TANGO6: variants seen among roughly 807,000 people sequenced by gnomAD.
TANGO6 encodes the protein transport and golgi organization 6 homolog, also known as transport and Golgi organization protein 6 homolog.
Under a neutral mutation model 114.2 loss-of-function variants are expected in TANGO6, and 90 were observed. The observed-to-expected ratio is 0.79, with a 90% CI of 0.66 to 0.94. The LOEUF (loss-of-function observed/expected upper bound fraction) is 0.94. Among genes scored for constraint, TANGO6 ranks in the 40% least tolerant of loss-of-function variants. TANGO6 has a pLI of 0.00. For synonymous variants in TANGO6, 477 were observed against 509.8 expected, an observed-to-expected ratio of 0.94 and a Z score of 0.87; for missense variants, 1,274 against 1,315.3, an observed-to-expected ratio of 0.97 and a Z score of 0.49.
At chr16:68,959,547 A>G (rs771781311) in intron 14 of TANGO6, among the ~76,000 whole-genome samples, 1 of 152,158 alleles carries the variant, frequency 6.6e-6, no homozygotes, top group African/African-American at 2.4e-5. Context: ...AGATCACGCC[A>G]CTGCACTCCA....
At chr16:68,956,643 A>C (rs1963532349) in intron 14 of TANGO6, among the ~76,000 whole-genome samples, 1 of 152,146 alleles carries the variant, frequency 6.6e-6, no homozygotes, top group African/African-American at 2.4e-5. Flanking sequence ...ACCTGAGGTC[A>C]GGAGTTTGAG....
intron 7 of TANGO6, among the ~76,000 whole-genome samples, chr16:68,890,126 C>T (rs958321346): frequency 6.6e-6 from 1 of 152,136 alleles, no homozygotes; most frequent in Non-Finnish European, 1.5e-5. Flanking sequence ...CAAGTTCCAG[C>T]CTGTACTGAA....
chr16:69,018,412 T>C (rs1959342203), intron 15 of TANGO6, among the ~76,000 whole-genome samples: 1 of 150,170 alleles, frequency 6.7e-6, no homozygotes, highest in African/African-American at 2.4e-5. Context: ...CCTCCCAAAG[T>C]GCTGGGATTA....
intron 12 of TANGO6, among the ~76,000 whole-genome samples, chr16:68,925,586 C>CT (rs1447632809): frequency 6.6e-6 from 1 of 152,102 alleles, no homozygotes; most frequent in African/African-American, 2.4e-5. Context: ...TTGACAGTTT[C>CT]TTTTGCAGAG....
intron 1 of TANGO6, among the ~76,000 whole-genome samples, chr16:68,858,210 C>T (rs552702829): frequency 1.3e-5 from 2 of 152,066 alleles, no homozygotes; most frequent in South Asian, 2.1e-4. Context: ...ATTACAGGCA[C>T]CTGCCACCAT....
chr16:68,894,850 G>GT (rs1336360401), intron 7 of TANGO6, among the ~76,000 whole-genome samples: 1 of 151,824 alleles, frequency 6.6e-6, no homozygotes, highest in Non-Finnish European at 1.5e-5. Context: ...ATCACTGTAC[G>GT]TGGAACTCCC....
At chr16:69,007,421 C>T (rs1470651136) in intron 15 of TANGO6, among the ~76,000 whole-genome samples, 3 of 151,896 alleles carry the variant, frequency 2.0e-5, no homozygotes, top group Admixed American at 2.0e-4. Flanking sequence ...AGGCACGTGC[C>T]ACCACACCTT....
At chr16:69,015,927 G>A (rs1959289022) in intron 15 of TANGO6, among the ~76,000 whole-genome samples, 1 of 152,122 alleles carries the variant, frequency 6.6e-6, no homozygotes, top group African/African-American at 2.4e-5. Flanking sequence ...TATGATTCCT[G>A]CATTGAATAT....
At chr16:69,068,745 C>T (rs1960254384) in intron 17 of TANGO6, among the ~76,000 whole-genome samples, 1 of 152,164 alleles carries the variant, frequency 6.6e-6, no homozygotes, top group African/African-American at 2.4e-5. Context: ...TGGAGTCTCG[C>T]TCTTGTCGCC....
intron 7 of TANGO6, among the ~76,000 whole-genome samples, chr16:68,884,744 A>T (rs547161309): frequency 4.4e-4 from 67 of 152,310 alleles, no homozygotes; most frequent in Middle Eastern, 6.8e-3. Context: ...TCTTTCTAGC[A>T]AGGGAGTTAT....
chr16:68,843,783 G>T, intron 1 of TANGO6, 72 bp downstream of exon 1: 1 of 1,488,222 alleles, frequency 6.7e-7, no homozygotes, highest in South Asian at 1.2e-5. Flanking sequence ...GGGCTGCCCT[G>T]CCTTCCGCAG....
At chr16:68,971,723 T>C (rs985877130) in intron 14 of TANGO6, among the ~76,000 whole-genome samples, 1 of 148,740 alleles carries the variant, frequency 6.7e-6, no homozygotes, top group African/African-American at 2.5e-5. Flanking sequence ...CCTCTTCCTC[T>C]GGGGTTCAAG....
At chr16:68,948,808 C>G (rs551891099) in intron 14 of TANGO6, among the ~76,000 whole-genome samples, 2 of 152,186 alleles carry the variant, frequency 1.3e-5, no homozygotes, top group Non-Finnish European at 2.9e-5. Context: ...CACTGCCCAC[C>G]CTTCTTCCTG....
intron 14 of TANGO6, among the ~76,000 whole-genome samples, chr16:68,973,573 A>G (rs1963731118): frequency 6.6e-6 from 1 of 152,138 alleles, no homozygotes; most frequent in Admixed American, 6.6e-5. Flanking sequence ...AAGTCCTACG[A>G]AGGGGGGACT....
chr16:68,893,932 C>T (rs980608763), intron 7 of TANGO6, among the ~76,000 whole-genome samples: 1 of 152,030 alleles, frequency 6.6e-6, no homozygotes, highest in African/African-American at 2.4e-5. Context: ...CACACAACAC[C>T]CAGGTGTTGG....
At chr16:68,966,204 C>T (rs56266350) in intron 14 of TANGO6, among the ~76,000 whole-genome samples, 5,284 of 152,168 alleles carry the variant, frequency 0.035, 280 homozygotes, top group East Asian at 0.27. Flanking sequence ...CCAGCCTGGG[C>T]GACAGAACAA....
intron 15 of TANGO6, among the ~76,000 whole-genome samples, chr16:68,997,356 T>C (rs1008129944): frequency 6.6e-5 from 10 of 152,362 alleles, no homozygotes; most frequent in Admixed American, 5.2e-4. Context: ...ATTTCTTGAT[T>C]GTATTCTGAA....
intron 4 of TANGO6, among the ~76,000 whole-genome samples, chr16:68,873,228 G>A (rs569060158): frequency 2.6e-5 from 4 of 151,822 alleles, no homozygotes; most frequent in African/African-American, 7.2e-5. Context: ...GGATTTACCT[G>A]TATTGGCATT....
intron 15 of TANGO6, among the ~76,000 whole-genome samples, chr16:69,003,765 A>G (rs572364970): frequency 2.0e-5 from 3 of 152,280 alleles, no homozygotes; most frequent in East Asian, 1.9e-4. Context: ...GACTTGTCCT[A>G]TACTTTCTTC....
Sources: allele counts gnomAD v4.1 joint callset (sites outside exome capture counted in the v4.1 genomes callset), GRCh38; gene constraint gnomAD v4.1.1; transcripts MANE v1.5; gene names NCBI Gene and HGNC (gene_info 2026-07-23, HGNC 2026-07-21).